LRP1B: variants seen among roughly 807,000 people sequenced by gnomAD.
LRP1B encodes the protein low-density lipoprotein receptor-related protein 1B.
In LRP1B, 217 loss-of-function variants were observed where a neutral mutation model predicts 556.6. That is an observed-to-expected ratio of 0.39 (90% CI 0.35 to 0.44). The LOEUF (loss-of-function observed/expected upper bound fraction) is 0.44. Ranked by LOEUF, LRP1B falls within the 20% of genes least tolerant of loss-of-function variation. LRP1B has a pLI of 1.00. For missense variants in LRP1B, 5,053 were observed against 5,620.8 expected (o/e 0.90, Z 3.23); for synonymous variants, 2,047 against 1,865.8 (o/e 1.10, Z -2.50).
chr2:141,683,708 T>C (rs1375916487), intron 2 of LRP1B, among the ~76,000 whole-genome samples: 5 of 152,164 alleles, frequency 3.3e-5, no homozygotes, highest in Admixed American at 3.3e-4. Context: ...TTATGATCTG[T>C]TAAATTATCA....
At chr2:140,842,088 T>C (rs1341274970) in intron 29 of LRP1B, among the ~76,000 whole-genome samples, 1 of 152,214 alleles carries the variant, frequency 6.6e-6, no homozygotes. Flanking sequence ...AAGATTCTGT[T>C]ACTGCTCAAG....
In LRP1B at chr2:141,100,107, A is replaced by G. The variant is rs528051313; in HGVS notation, c.1014-37834T>C. 5.3e-5 allele frequency among the ~76,000 whole-genome samples: 8 copies of G among 152,108 alleles called. No homozygotes were observed. In the East Asian group the frequency reaches 1.6e-3, roughly 29 times the overall value. Reference sequence around the variant, plus strand: ...TGGATTTTATATCTCTTATTGCTGAACTCCCCAAAATGAAGCCAAATGACA... The same window carrying G: ...TGGATTTTATATCTCTTATTGCTGAGCTCCCCAAAATGAAGCCAAATGACA... On this transcript the variant is annotated intron_variant, in intron 7 of 90. Transcript: ENST00000389484.
chr2:140,289,066 C>A (rs1247890541), intron 84 of LRP1B, among the ~76,000 whole-genome samples: 1 of 151,856 alleles, frequency 6.6e-6, no homozygotes, highest in African/African-American at 2.4e-5. Context: ...AGTAATTAAG[C>A]ATTCTTAAAA....
intron 1 of LRP1B, among the ~76,000 whole-genome samples, chr2:142,024,534 C>A (rs184384903): frequency 6.6e-6 from 1 of 151,608 alleles, no homozygotes; most frequent in African/African-American, 2.4e-5. Flanking sequence ...AACTTAAGAC[C>A]TAGTTTCTTG....
intron 37 of LRP1B, among the ~76,000 whole-genome samples, chr2:140,705,188 C>T (rs974031240): frequency 2.6e-5 from 4 of 151,850 alleles, no homozygotes; most frequent in Non-Finnish European, 5.9e-5. Flanking sequence ...TGTTATTTTT[C>T]CTTAGCTATA....
intron 3 of LRP1B, among the ~76,000 whole-genome samples, chr2:141,257,063 A>C (rs61438901): frequency 0.098 from 14,897 of 152,036 alleles, 852 homozygotes; most frequent in East Asian, 0.16. Context: ...AAGGAAGAAG[A>C]GTAGTCTATA....
intron 31 of LRP1B, among the ~76,000 whole-genome samples, chr2:140,822,579 G>T (rs1427282003): frequency 6.6e-6 from 1 of 152,186 alleles, no homozygotes; most frequent in Non-Finnish European, 1.5e-5. Context: ...ATAATTAATT[G>T]TGAGGCACAA....
At chr2:141,974,614 T>C (rs1162626314) in intron 1 of LRP1B, among the ~76,000 whole-genome samples, 3 of 152,042 alleles carry the variant, frequency 2.0e-5, no homozygotes, top group Non-Finnish European at 4.4e-5. Flanking sequence ...AAACACGCGT[T>C]ATGTGGAAAA....
At chr2:141,772,819 T>TCTGCCC (rs1197876794) in intron 2 of LRP1B, among the ~76,000 whole-genome samples, 2 of 152,188 alleles carry the variant, frequency 1.3e-5, no homozygotes, top group Admixed American at 6.5e-5. Context: ...CCACTCCTTT[T>TCTGCCC]CTGCCCCTGC....
intron 58 of LRP1B, among the ~76,000 whole-genome samples, chr2:140,485,840 C>T (rs892482939): frequency 8.1e-4 from 84 of 103,948 alleles, no homozygotes; most frequent in African/African-American, 3.0e-3. Flanking sequence ...AAAATTCTCA[C>T]GCACATACAC....
chr2:140,712,532 C>T (rs538830468), intron 37 of LRP1B, among the ~76,000 whole-genome samples: 1 of 152,014 alleles, frequency 6.6e-6, no homozygotes, highest in East Asian at 1.9e-4. Flanking sequence ...CGTTCATTTC[C>T]ATCCTCTTTC....
intron 1 of LRP1B, among the ~76,000 whole-genome samples, chr2:142,082,096 A>G (rs1490951319): frequency 6.6e-6 from 1 of 152,188 alleles, no homozygotes; most frequent in Non-Finnish European, 1.5e-5. Context: ...TAATATTATA[A>G]TTTGGAAGTA....
chr2:142,018,394 G>GA (rs1368678207), intron 1 of LRP1B, among the ~76,000 whole-genome samples: 1 of 152,138 alleles, frequency 6.6e-6, no homozygotes, highest in Non-Finnish European at 1.5e-5. Context: ...ATAGAAGTGT[G>GA]AATGGCAGTC....
intron 77 of LRP1B, among the ~76,000 whole-genome samples, chr2:140,345,843 TACACACAC>T (rs201538692): frequency 7.5e-6 from 1 of 133,184 alleles, no homozygotes; most frequent in African/African-American, 2.8e-5. Flanking sequence ...TATATACACA[TACACACAC>T]ACACACACAC....
intron 3 of LRP1B, among the ~76,000 whole-genome samples, chr2:141,383,680 A>T (rs1689722008): frequency 6.6e-6 from 1 of 152,220 alleles, no homozygotes; most frequent in Non-Finnish European, 1.5e-5. Context: ...AGGCTTTAAA[A>T]GGCAGGAAAC....
chr2:140,322,048 G>A lies in LRP1B; in HGVS notation c.12555C>T (p.Cys4185=), dbSNP rs147162004. The A allele has an allele frequency of 2.0e-3, 3,286 of 1,612,878 alleles. 90 individuals carry two copies. In the Admixed American group the frequency reaches 0.048, roughly 23 times the overall value. The change falls in exon 82 of 91, where the codon TGC becomes TGT. Residue 4185 remains cysteine (C), a synonymous_variant. Coordinates refer to ENST00000389484, the MANE Select transcript of LRP1B (RefSeq NM_018557.3). The part of the protein sequence containing the change: ...PCLDLACEFL[C]LLNPSGATCV... Reference sequence around the variant, plus strand: ...AAGTGGCCCCAGAAGGATTTAGCAAGCAAAGAAATTCGCATGCTAAATCCA... The same window carrying A: ...AAGTGGCCCCAGAAGGATTTAGCAAACAAAGAAATTCGCATGCTAAATCCA...
chr2:141,374,679 T>C (rs1410126215), intron 3 of LRP1B, among the ~76,000 whole-genome samples: 1 of 152,180 alleles, frequency 6.6e-6, no homozygotes, highest in African/African-American at 2.4e-5. Flanking sequence ...AGCTTTCAAA[T>C]GTATTTTGCA....
intron 11 of LRP1B, among the ~76,000 whole-genome samples, chr2:141,035,057 G>C (rs2105421567): frequency 6.6e-6 from 1 of 152,094 alleles, no homozygotes; most frequent in African/African-American, 2.4e-5. Context: ...GTCCTTTGTA[G>C]GGACATGGAT....
chr2:140,988,904 T>C (rs1178405221), intron 17 of LRP1B, among the ~76,000 whole-genome samples: 2 of 152,176 alleles, frequency 1.3e-5, no homozygotes, highest in Non-Finnish European at 2.9e-5. Context: ...GTATCATTTT[T>C]CAACATTTAT....
Sources: allele counts gnomAD v4.1 joint callset (sites outside exome capture counted in the v4.1 genomes callset), GRCh38; gene constraint gnomAD v4.1.1; transcripts MANE v1.5; gene names NCBI Gene and HGNC (gene_info 2026-07-23, HGNC 2026-07-21).